Variants in MAN1A1 observed in about 807,000 individuals in gnomAD.
MAN1A1 encodes mannosyl-oligosaccharide 1,2-alpha-mannosidase IA.
MAN1A1 carries 29 observed loss-of-function variants against 70.8 expected under a neutral mutation model. That is an observed-to-expected ratio of 0.41 (90% CI 0.31 to 0.56). MAN1A1 has a LOEUF of 0.56. Ranked by LOEUF, MAN1A1 falls within the 20% of genes least tolerant of loss-of-function variation. The pLI is 0.29. For missense variants in MAN1A1, 747 were observed against 841.3 expected (o/e 0.89, Z 1.39); for synonymous variants, 349 against 330.1 (o/e 1.06, Z -0.62).
intron 11 of MAN1A1, among the ~76,000 whole-genome samples, chr6:119,184,312 A>G (rs1203561229): frequency 1.3e-5 from 2 of 152,232 alleles, no homozygotes; most frequent in Non-Finnish European, 2.9e-5. Flanking sequence ...GGATGTGCAA[A>G]TAGCAGAGAA....
chr6:119,295,168 AG>A (rs1772171759), intron 4 of MAN1A1, among the ~76,000 whole-genome samples: 1 of 152,156 alleles, frequency 6.6e-6, no homozygotes, highest in South Asian at 2.1e-4. Flanking sequence ...AACCCCATCT[AG>A]GCAACAGAGA....
chr6:119,274,167 C>T (rs1775994380), intron 5 of MAN1A1, among the ~76,000 whole-genome samples: 3 of 152,128 alleles, frequency 2.0e-5, no homozygotes, highest in African/African-American at 7.2e-5. Context: ...GAACAATTAA[C>T]ATAATTAAGA....
intron 6 of MAN1A1, among the ~76,000 whole-genome samples, chr6:119,247,528 C>T (rs545039315): frequency 1.3e-5 from 2 of 152,252 alleles, no homozygotes; most frequent in South Asian, 2.1e-4. Flanking sequence ...GGCAGGAAGG[C>T]GTTAAGAAGG....
chr6:119,226,101 ACTAACT>A (rs1421255760), intron 6 of MAN1A1, among the ~76,000 whole-genome samples: 2 of 152,246 alleles, frequency 1.3e-5, no homozygotes, highest in Admixed American at 6.5e-5. Flanking sequence ...GAAATACAAT[ACTAACT>A]CTAAGTAAAT....
rs1354397489 is a variant in MAN1A1 at position 119,180,402 on chromosome 6, T to A, written c.1745A>T (p.Asn582Ile). Residue 582 changes from asparagine (N) to isoleucine (I), a missense_variant, in exon 12 of 13, where the codon AAT (asparagine) becomes ATT (isoleucine). Asn to Ile is a moderately radical substitution (Grantham distance 149). Around this residue, in one of 2 missense-constraint regions of MAN1A1, gnomAD observed 419 missense variants for 548.2 expected, o/e 0.76. Coordinates refer to ENST00000368468, the MANE Select transcript of MAN1A1 (RefSeq NM_005907.4). ...VEALENHCRV[N>I]GGYSGLRDVY... ...ATCCCTTAGGCCTGAATAGCCTCCA[T>A]TCACTCTGCAATGGTTTTCCAAGGC... The A allele has an allele frequency of 6.2e-7, 1 of 1,612,402 alleles. No homozygotes were observed. Among genetic ancestry groups the A allele is most frequent in the African/African-American group, 1.3e-5 (1 of 75,006 alleles).
chr6:119,320,050 T>G (rs1412925933), intron 2 of MAN1A1, among the ~76,000 whole-genome samples: 1 of 152,096 alleles, frequency 6.6e-6, no homozygotes, highest in Non-Finnish European at 1.5e-5. Flanking sequence ...CTTGGCTCAG[T>G]GCAACCTCTG....
intron 6 of MAN1A1, among the ~76,000 whole-genome samples, chr6:119,215,434 T>A (rs151166800): frequency 1.3e-5 from 2 of 152,272 alleles, no homozygotes; most frequent in East Asian, 3.9e-4. Flanking sequence ...TAGAGACTGG[T>A]AATGTGATAA....
rs1773592033 is a variant in MAN1A1, at chr6:119,341,489, C to T, written c.603+6974G>A. ...GCAATTCTCAGCTATTGTTTGTACACTGGGGGAATCTCAGGAAGTCACAGC... is the reference window on the plus strand; with the variant it reads ...GCAATTCTCAGCTATTGTTTGTACATTGGGGGAATCTCAGGAAGTCACAGC... On this transcript the variant is annotated intron_variant, in intron 2 of 12. Transcript: ENST00000368468. 4.6e-5 allele frequency among the ~76,000 whole-genome samples: 7 copies of T among 152,296 alleles called. 1 individual carries two copies. In the South Asian group the frequency reaches 1.4e-3, roughly 32 times the overall value.
rs765162041 is a variant in MAN1A1, at chr6:119,180,390, G to A, written c.1757C>T (p.Ser586Leu). 1 of 1,613,260 alleles carries A rather than the reference G, an allele frequency of 6.2e-7. No homozygotes were observed. ...ENHCRVNGGY[S>L]GLRDVYLLHE... Reference sequence around the variant, plus strand: ...AAGAAGGTAAACATCCCTTAGGCCTGAATAGCCTCCATTCACTCTGCAATG... The same window carrying A: ...AAGAAGGTAAACATCCCTTAGGCCTAAATAGCCTCCATTCACTCTGCAATG... The change falls in exon 12 of 13, where the codon TCA becomes TTA. Residue 586 changes from serine to leucine, a missense_variant. Coordinates refer to ENST00000368468, the MANE Select transcript of MAN1A1 (RefSeq NM_005907.4).
rs541738154 is a variant in MAN1A1 at position 119,330,183 on chromosome 6, C to T, written c.603+18280G>A. Among the ~76,000 whole-genome samples the T allele has an allele frequency of 3.9e-5, 6 of 152,242 alleles. No individual in the cohort carries two copies. In the South Asian group the frequency reaches 1.2e-3, roughly 32 times the overall value. ...TTTGATGGCCTCAAGATTGGCATCT[C>T]TAGCCTAGACTTCTCTTTGCAGTGC... On this transcript the variant is annotated intron_variant, in intron 2 of 12. Transcript: ENST00000368468.
chr6:119,282,713 T>G (rs1776254066), intron 5 of MAN1A1, among the ~76,000 whole-genome samples: 1 of 152,130 alleles, frequency 6.6e-6, no homozygotes, highest in African/African-American at 2.4e-5. Context: ...TCTAAACCTC[T>G]AAGAAATCAA....
In MAN1A1 at chr6:119,179,885, A is replaced by G. The variant is rs141514713; in HGVS notation, c.1896T>C (p.Asn632=). ...GGATAGGGAGAAGATGTGCCTCGCT[A>G]TTGAAGATCCAATGCTCCAGTGGAA... ...DLLPLEHWIF[N]SEAHLLPILP... Residue 632 remains asparagine, a synonymous_variant, in exon 13 of 13, where the codon AAT becomes AAC. Transcript: ENST00000368468. 2.2e-5 allele frequency: 36 copies of G among 1,613,206 alleles called. No homozygotes were observed. The highest frequency in any genetic ancestry group is 2.9e-5 in the Non-Finnish European group (34 of 1,179,332).
intron 5 of MAN1A1, among the ~76,000 whole-genome samples, chr6:119,278,740 G>A (rs997466638): frequency 2.6e-5 from 4 of 152,192 alleles, no homozygotes; most frequent in South Asian, 2.1e-4. Flanking sequence ...GCTTGGTGGC[G>A]TTCCCTTGGT....
At chr6:119,338,391 A>G (rs570528170) in intron 2 of MAN1A1, among the ~76,000 whole-genome samples, 13 of 152,286 alleles carry the variant, frequency 8.5e-5, no homozygotes, top group Middle Eastern at 6.8e-3. Flanking sequence ...TAAAAATAAA[A>G]TATCTTTGAC....
chr6:119,303,806 G>C (rs983889589), intron 3 of MAN1A1, among the ~76,000 whole-genome samples: 1 of 152,096 alleles, frequency 6.6e-6, no homozygotes, highest in African/African-American at 2.4e-5. Flanking sequence ...TTATACTCAG[G>C]CACCCTTCCC....
At chr6:119,181,828 C>T (rs932200546) in intron 11 of MAN1A1, among the ~76,000 whole-genome samples, 1 of 152,122 alleles carries the variant, frequency 6.6e-6, no homozygotes, top group African/African-American at 2.4e-5. Flanking sequence ...GGATATACAC[C>T]ATCTTCTGTG....
At chr6:119,247,201 A>T (rs950775627) in intron 6 of MAN1A1, among the ~76,000 whole-genome samples, 1 of 152,224 alleles carries the variant, frequency 6.6e-6, no homozygotes, top group African/African-American at 2.4e-5. Flanking sequence ...AAACCATGCT[A>T]TGCATTCTCT....
intron 5 of MAN1A1, among the ~76,000 whole-genome samples, chr6:119,268,777 G>A (rs1194650817): frequency 6.6e-6 from 1 of 152,042 alleles, no homozygotes; most frequent in Non-Finnish European, 1.5e-5. Flanking sequence ...GTTAGAGATG[G>A]GGTTTCATAA....
intron 5 of MAN1A1, among the ~76,000 whole-genome samples, chr6:119,256,152 G>C (rs187157609): frequency 2.0e-3 from 306 of 152,060 alleles, no homozygotes; most frequent in African/African-American, 7.0e-3. Context: ...GAAGAATCAA[G>C]GTAGCTGTCC....
Sources: gnomAD v4.1 joint callset for allele counts (sites outside exome capture counted in the v4.1 genomes callset) on GRCh38, gnomAD v4.1.1 for gene constraint, gnomAD v4.1.1 regional missense constraint, MANE v1.5 for transcripts, NCBI Gene and HGNC (gene_info 2026-07-23, HGNC 2026-07-21) for gene names.